Variants in WDFY2 observed in about 807,000 individuals in gnomAD.
WDFY2 encodes the protein WD repeat and FYVE domain-containing protein 2.
A neutral mutation model predicts 56.4 loss-of-function variants in WDFY2; 36 were observed. The ratio of observed to expected loss-of-function variants is 0.64; its 90% confidence interval spans 0.49 to 0.84. The LOEUF (loss-of-function observed/expected upper bound fraction) is 0.84, where lower values mean the gene tolerates loss of function less well. Ranked by LOEUF, WDFY2 falls within the 40% of genes least tolerant of loss-of-function variation. WDFY2 has a pLI of 0.00. For missense variants in WDFY2, 444 were observed against 512.2 expected (o/e 0.87, Z 1.29); for synonymous variants, 176 against 183.7 (o/e 0.96, Z 0.34).
At chr13:51,651,720 G>C (rs1384517881) in intron 1 of WDFY2, among the ~76,000 whole-genome samples, 1 of 152,150 alleles carries the variant, frequency 6.6e-6, no homozygotes, top group Admixed American at 6.5e-5. Context: ...ATGTAGTTGG[G>C]CAGTTTTGAG....
intron 7 of WDFY2, among the ~76,000 whole-genome samples, chr13:51,749,670 A>G (rs1425096436): frequency 6.6e-6 from 1 of 152,202 alleles, no homozygotes; most frequent in Non-Finnish European, 1.5e-5. Context: ...TAGCCTCACT[A>G]TAGCATAGAA....
At chr13:51,642,865 A>G (rs1431148298) in intron 1 of WDFY2, among the ~76,000 whole-genome samples, 1 of 151,786 alleles carries the variant, frequency 6.6e-6, no homozygotes, top group East Asian at 1.9e-4. Context: ...ATTTTTAGAG[A>G]TGGGGTTTCA....
chr13:51,599,355 A>C (rs189033170), intron 1 of WDFY2: 1,663 of 152,626 alleles, frequency 0.011, 17 homozygotes, highest in Non-Finnish European at 0.017. Context: ...TTATGGGAGA[A>C]GCACAAGGTG....
intron 3 of WDFY2, among the ~76,000 whole-genome samples, chr13:51,678,343 G>T (rs3825525): frequency 6.6e-6 from 1 of 152,130 alleles, no homozygotes; most frequent in Non-Finnish European, 1.5e-5. Context: ...GGAACTCAAT[G>T]AATAATTTGT....
intron 6 of WDFY2, among the ~76,000 whole-genome samples, chr13:51,733,832 T>A (rs901884562): frequency 6.6e-6 from 1 of 152,064 alleles, no homozygotes; most frequent in Non-Finnish European, 1.5e-5. Context: ...AAACCTGGAG[T>A]ACTGCTGGGA....
chr13:51,693,376 T>C (rs1442135157), intron 3 of WDFY2, among the ~76,000 whole-genome samples: 16 of 148,120 alleles, frequency 1.1e-4, no homozygotes, highest in Admixed American at 2.7e-4. Context: ...GATTCTGGTA[T>C]GTTGTGTCTT....
chr13:51,667,552 G>A (rs1259468788), intron 2 of WDFY2, among the ~76,000 whole-genome samples: 2 of 152,172 alleles, frequency 1.3e-5, no homozygotes, highest in African/African-American at 4.8e-5. Context: ...GAACTTGGCA[G>A]TTCTGCTTTT....
intron 2 of WDFY2, among the ~76,000 whole-genome samples, chr13:51,667,741 G>A (rs1452312257): frequency 6.6e-6 from 1 of 151,902 alleles, no homozygotes; most frequent in Non-Finnish European, 1.5e-5. Flanking sequence ...TCCATTTATT[G>A]CTTTCTTTTT....
chr13:51,745,636 A>G (rs1377454302), intron 7 of WDFY2, among the ~76,000 whole-genome samples: 1 of 150,942 alleles, frequency 6.6e-6, no homozygotes, highest in Non-Finnish European at 1.5e-5. Context: ...AAAGATACCC[A>G]GTGATCACTT....
At chr13:51,721,362 C>A (rs1392935366) in intron 5 of WDFY2, among the ~76,000 whole-genome samples, 1 of 152,020 alleles carries the variant, frequency 6.6e-6, no homozygotes, top group Non-Finnish European at 1.5e-5. Flanking sequence ...ATCACTTAGC[C>A]AAGCCCAAGG....
chr13:51,636,073 A>G (rs541805471), intron 1 of WDFY2, among the ~76,000 whole-genome samples: 40 of 152,006 alleles, frequency 2.6e-4, no homozygotes, highest in African/African-American at 6.8e-4. Context: ...TGGGTGCACA[A>G]TTTTGTCTTC....
chr13:51,744,992 G>GA (rs1283683337), intron 7 of WDFY2, among the ~76,000 whole-genome samples: 2 of 152,116 alleles, frequency 1.3e-5, no homozygotes, highest in Non-Finnish European at 2.9e-5. Flanking sequence ...TTCTATGTTG[G>GA]AATATTAACA....
chr13:51,739,479 GAAA>G lies in WDFY2; in HGVS notation c.725+312_725+314del, dbSNP rs985808445. On this transcript the variant is annotated intron_variant, in intron 7 of 11. Transcript: ENST00000298125. The stretch of plus-strand genomic sequence containing the variant: ...ATAACAGTAAAAATTTGAGAGTGAG[GAAA>G]AAAAAAAGCTTGAAAATACAAGCTG... Among the ~76,000 whole-genome samples the G allele has an allele frequency of 6.2e-5, 9 of 145,882 alleles. No individual in the cohort carries two copies. In the South Asian group the frequency reaches 1.5e-3, roughly 25 times the overall value.
chr13:51,601,307 AT>A (rs1312071764), intron 1 of WDFY2, among the ~76,000 whole-genome samples: 1 of 152,168 alleles, frequency 6.6e-6, no homozygotes, highest in Non-Finnish European at 1.5e-5. Context: ...ATAGTAATTA[AT>A]ACTAGGTTAC....
chr13:51,687,594 A>G (rs1956081811), intron 3 of WDFY2, among the ~76,000 whole-genome samples: 1 of 151,890 alleles, frequency 6.6e-6, no homozygotes, highest in African/African-American at 2.4e-5. Flanking sequence ...ATAGTAGTAC[A>G]ACGAAAATCC....
chr13:51,740,501 G>A (rs1383518924), intron 7 of WDFY2, among the ~76,000 whole-genome samples: 1 of 152,126 alleles, frequency 6.6e-6, no homozygotes, highest in Non-Finnish European at 1.5e-5. Context: ...GGATCACAAG[G>A]TCAAGAGTTT....
chr13:51,677,096 T>A (rs779329292), intron 3 of WDFY2, among the ~76,000 whole-genome samples: 2 of 152,200 alleles, frequency 1.3e-5, no homozygotes, highest in Non-Finnish European at 2.9e-5. Flanking sequence ...AGCTATTTAT[T>A]GTATATAAGA....
rs1388040550 is a variant in WDFY2, at chr13:51,680,202, A to G, written c.279+4959A>G. ...CTACAGCCTCAAAGACCTGGGCTCA[A>G]GTGATCCGCCTGCCTCTCACTTCCA... On this transcript the variant is annotated intron_variant, in intron 3 of 11. Transcript: ENST00000298125. 2.0e-5 allele frequency among the ~76,000 whole-genome samples: 3 copies of G among 152,188 alleles called. No individual in the cohort carries two copies. The East Asian group carries it at 5.8e-4, about 29-fold the overall frequency.
At chr13:51,655,406 T>C (rs1955490304) in intron 1 of WDFY2, among the ~76,000 whole-genome samples, 1 of 152,034 alleles carries the variant, frequency 6.6e-6, no homozygotes, top group Non-Finnish European at 1.5e-5. Flanking sequence ...TCATGAAAGA[T>C]TGTTGAATTT....
Sources: gnomAD v4.1 joint callset for allele counts (sites outside exome capture counted in the v4.1 genomes callset) on GRCh38, gnomAD v4.1.1 for gene constraint, MANE v1.5 for transcripts, NCBI Gene and HGNC (gene_info 2026-07-23, HGNC 2026-07-21) for gene names.